Variants in GRM8 observed in about 807,000 individuals in gnomAD.
The protein encoded by GRM8 is glutamate metabotropic receptor 8.
In GRM8, 47 loss-of-function variants were observed where a neutral mutation model predicts 87.2. The observed-to-expected ratio is 0.54, with a 90% CI of 0.43 to 0.69. GRM8 has a LOEUF of 0.69. GRM8 is among the 30% of genes least tolerant of loss of function. GRM8 has a pLI of 0.00. For synonymous variants in GRM8, 396 were observed against 404.5 expected, an observed-to-expected ratio of 0.98 and a Z score of 0.25; for missense variants, 1,019 against 1,139.2, an observed-to-expected ratio of 0.89 and a Z score of 1.52.
chr7:126,470,027 T>A (rs1804976134), intron 9 of GRM8, among the ~76,000 whole-genome samples: 1 of 152,100 alleles, frequency 6.6e-6, no homozygotes, highest in African/African-American at 2.4e-5. Flanking sequence ...GCTGAGGTAG[T>A]CTCAGATGGA....
At chr7:126,897,439 A>G (rs1801650468) in intron 6 of GRM8, among the ~76,000 whole-genome samples, 1 of 152,076 alleles carries the variant, frequency 6.6e-6, no homozygotes, top group Non-Finnish European at 1.5e-5. Flanking sequence ...GTGGCAGAGG[A>G]CTGAGTGGGG....
intron 3 of GRM8, among the ~76,000 whole-genome samples, chr7:126,928,664 C>A (rs1465755621): frequency 7.0e-6 from 1 of 143,384 alleles, no homozygotes; most frequent in African/African-American, 2.7e-5. Context: ...ACAGTTAGAC[C>A]CTGCCTCAAA....
intron 3 of GRM8, among the ~76,000 whole-genome samples, chr7:126,998,337 C>G (rs1051449254): frequency 4.6e-5 from 7 of 151,834 alleles, no homozygotes; most frequent in Admixed American, 2.6e-4. Flanking sequence ...AAAGCCTTTC[C>G]TCTAAGCTCT....
rs116590506 is a variant in GRM8, at chr7:126,761,331, T to C, written c.1357+8534A>G. On this transcript the variant is annotated intron_variant, in intron 7 of 10. Transcript: ENST00000339582. ...CACAAACAGTTATAAAGAGAGATCATTGGGGAAGTTAAGATACTTCTTTGG... is the reference window on the plus strand; with the variant it reads ...CACAAACAGTTATAAAGAGAGATCACTGGGGAAGTTAAGATACTTCTTTGG... 5.9e-3 allele frequency among the ~76,000 whole-genome samples: 905 copies of C among 152,270 alleles called. 12 individuals are homozygous for C. The highest frequency in any genetic ancestry group is 0.02 in the African/African-American group (848 of 41,568).
chr7:126,641,959 A>G (rs1399538385), intron 7 of GRM8, among the ~76,000 whole-genome samples: 1 of 152,150 alleles, frequency 6.6e-6, no homozygotes, highest in East Asian at 1.9e-4. Context: ...CAAGACTGTC[A>G]TGGGAGCTCC....
chr7:127,020,328 G>C (rs370024949), intron 3 of GRM8, among the ~76,000 whole-genome samples: 3 of 152,168 alleles, frequency 2.0e-5, no homozygotes, highest in East Asian at 3.9e-4. Context: ...CTTGGGGGTA[G>C]TGCTCCCTGA....
At position 127,081,093 on chromosome 7, in the gene GRM8, G is replaced by A. The variant is rs141633676; in HGVS notation, c.727+25403C>T. 5.6e-3 allele frequency among the ~76,000 whole-genome samples: 850 copies of A among 152,218 alleles called. 6 individuals carry two copies. Among genetic ancestry groups the A allele is most frequent in the Non-Finnish European group, 9.0e-3 (612 of 68,010 alleles). On this transcript the variant is annotated intron_variant, in intron 3 of 10. Coordinates refer to ENST00000339582, the MANE Select transcript of GRM8 (RefSeq NM_000845.3). ...TTTCGGTGTCAGAGAATATAGAAAT[G>A]AGATTCTAATTAGAGATGTTTAGCA...
intron 8 of GRM8, among the ~76,000 whole-genome samples, chr7:126,587,108 A>G (rs1796215825): frequency 6.6e-6 from 1 of 152,248 alleles, no homozygotes; most frequent in Non-Finnish European, 1.5e-5. Flanking sequence ...AGAGAAATGC[A>G]AATCAAAACC....
At chr7:126,868,655 A>G (rs1029337673) in intron 6 of GRM8, 6 of 152,262 alleles carry the variant, frequency 3.9e-5, no homozygotes, top group Admixed American at 3.3e-4. Context: ...TTGGTTTCCC[A>G]GTATGCATAC....
chr7:126,711,848 T>C (rs186652145), intron 7 of GRM8, among the ~76,000 whole-genome samples: 58 of 152,370 alleles, frequency 3.8e-4, no homozygotes, highest in Non-Finnish European at 5.3e-4. Context: ...CTCTCCACTA[T>C]CAGCCTTCAT....
chr7:126,727,320 T>C (rs912610037), intron 7 of GRM8, among the ~76,000 whole-genome samples: 6 of 152,048 alleles, frequency 3.9e-5, no homozygotes, highest in East Asian at 1.9e-4. Context: ...TATTAATACA[T>C]GAAATCTGTA....
At chr7:126,936,950 T>C (rs1413988456) in intron 3 of GRM8, among the ~76,000 whole-genome samples, 2 of 152,214 alleles carry the variant, frequency 1.3e-5, no homozygotes, top group African/African-American at 4.8e-5. Flanking sequence ...TATTCTAATA[T>C]ACAGTTTCTA....
intron 8 of GRM8, among the ~76,000 whole-genome samples, chr7:126,536,627 C>A (rs916890683): frequency 5.9e-5 from 9 of 151,940 alleles, no homozygotes; most frequent in African/African-American, 2.2e-4. Context: ...TAAATGGAAG[C>A]ACACAGTGAT....
chr7:126,902,281 A>G (rs890523554), intron 6 of GRM8, among the ~76,000 whole-genome samples: 3 of 152,218 alleles, frequency 2.0e-5, no homozygotes, highest in African/African-American at 7.2e-5. Flanking sequence ...CAAAGTAGAC[A>G]ATAAATGTTT....
intron 8 of GRM8, among the ~76,000 whole-genome samples, chr7:126,587,645 AG>A (rs1265898351): frequency 3.5e-5 from 5 of 143,182 alleles, no homozygotes; most frequent in African/African-American, 1.3e-4. Flanking sequence ...ACTTGGACAC[AG>A]GAAGGGGAAC....
intron 3 of GRM8, among the ~76,000 whole-genome samples, chr7:127,048,943 T>C (rs1819198177): frequency 6.6e-6 from 1 of 152,168 alleles, no homozygotes; most frequent in East Asian, 1.9e-4. Flanking sequence ...AGCCCCTAAG[T>C]TTTCACGTAT....
chr7:126,590,670 T>C (rs1426972267), intron 8 of GRM8, among the ~76,000 whole-genome samples: 2 of 152,182 alleles, frequency 1.3e-5, no homozygotes, highest in Non-Finnish European at 2.9e-5. Flanking sequence ...TTAACAGCAG[T>C]TTTCTCAGCA....
intron 2 of GRM8, among the ~76,000 whole-genome samples, chr7:127,221,103 A>G (rs1796899790): frequency 6.6e-6 from 1 of 152,212 alleles, no homozygotes; most frequent in Non-Finnish European, 1.5e-5. Context: ...TTGTCCAACC[A>G]TAGGCCAGGA....
chr7:126,781,463 T>C (rs1039500930), intron 6 of GRM8, among the ~76,000 whole-genome samples: 2 of 152,178 alleles, frequency 1.3e-5, no homozygotes, highest in African/African-American at 2.4e-5. Context: ...AATCATTCTA[T>C]TTGCAAGTTA....
Sources: gnomAD v4.1 joint callset for allele counts (sites outside exome capture counted in the v4.1 genomes callset) on GRCh38, gnomAD v4.1.1 for gene constraint, MANE v1.5 for transcripts, NCBI Gene and HGNC (gene_info 2026-07-23, HGNC 2026-07-21) for gene names.